MID1: variants seen among roughly 807,000 people sequenced by gnomAD.
The protein encoded by MID1 is midline 1.
Under a neutral mutation model 40.4 loss-of-function variants are expected in MID1, and 7 were observed. The ratio of observed to expected loss-of-function variants is 0.17; its 90% CI spans 0.10 to 0.33. The LOEUF (loss-of-function observed/expected upper bound fraction) is 0.33, where lower values mean the gene tolerates loss of function less well. Ranked by LOEUF, MID1 falls within the 10% of genes least tolerant of loss-of-function variation. The pLI is 1.00. For missense variants in MID1, 367 were observed against 558.5 expected (o/e 0.66, Z 3.46); for synonymous variants, 229 against 221.2 (o/e 1.04, Z -0.31).
intron 2 of MID1, among the ~76,000 whole-genome samples, chrX:10,541,770 C>G (rs944345110): frequency 1.0e-4 from 10 of 95,954 alleles, no homozygotes; most frequent in African/African-American, 3.5e-4. Flanking sequence ...TATAAAAATC[C>G]CAAGTGTGAA....
chrX:10,558,628 T>C (rs1244444637), intron 2 of MID1, among the ~76,000 whole-genome samples: 2 of 113,043 alleles, frequency 1.8e-5, no homozygotes, highest in Non-Finnish European at 3.7e-5. Context: ...TCCATACACT[T>C]AACCATTACA....
At chrX:10,553,205 G>A (rs933037235) in intron 2 of MID1, among the ~76,000 whole-genome samples, 2 of 107,366 alleles carry the variant, frequency 1.9e-5, no homozygotes, top group Non-Finnish European at 3.8e-5. Flanking sequence ...CCGAGATCAC[G>A]CCACTGGACT....
chrX:10,592,335 GT>G (rs1230517058), intron 1 of MID1, among the ~76,000 whole-genome samples: 1 of 96,603 alleles, frequency 1.0e-5, no homozygotes, highest in African/African-American at 3.7e-5. Flanking sequence ...TATTTGAGGG[GT>G]TTTTTTCTCC....
intron 5 of MID1, among the ~76,000 whole-genome samples, chrX:10,481,942 G>A (rs1930352845): frequency 8.9e-6 from 1 of 112,096 alleles, no homozygotes; most frequent in Non-Finnish European, 1.9e-5. Flanking sequence ...AAGCCCGTAT[G>A]AGGTTGACAG....
chrX:10,693,283 C>T (rs1312489225), intron 1 of MID1, among the ~76,000 whole-genome samples: 1 of 106,204 alleles, frequency 9.4e-6, no homozygotes, highest in Non-Finnish European at 1.9e-5. Flanking sequence ...CAGCCTCGAC[C>T]TCTTGGGCTC....
intron 1 of MID1, among the ~76,000 whole-genome samples, chrX:10,616,130 C>T (rs1043637566): frequency 1.8e-5 from 2 of 111,875 alleles, no homozygotes; most frequent in African/African-American, 6.5e-5. Flanking sequence ...CTGACCCCTG[C>T]AGGTAGATAA....
Position 10,668,225 on chromosome X carries a change from C to T in MID1, c.-186-47806G>A, listed in dbSNP as rs148782794. Among the ~76,000 whole-genome samples the T allele has an allele frequency of 2.4e-3, 263 of 111,906 alleles. 7 individuals carry two copies. In the East Asian group the frequency reaches 0.064, roughly 27 times the overall value. ...GCTATTACTCACATAATTTTAAAGG[C>T]TTATGGGTGATCATTAAATCTTTAT... is the stretch of plus-strand genomic sequence containing the variant. On this transcript the variant is annotated intron_variant, in intron 1 of 10. Coordinates refer to the MID1 transcript ENST00000380785.
chrX:10,736,504 C>T lies in MID1; in HGVS notation c.-187+97050G>A, dbSNP rs188739169. On this transcript the variant is annotated intron_variant, in intron 1 of 10. Transcript: ENST00000380785. Reference sequence around the variant, plus strand: ...AGACTCAAACATGTGGCTGTTTATACTTGTCTGGGTCTGATGATGAGGGGA... The same window carrying T: ...AGACTCAAACATGTGGCTGTTTATATTTGTCTGGGTCTGATGATGAGGGGA... Among the ~76,000 whole-genome samples the T allele has an allele frequency of 8.9e-3, 995 of 112,302 alleles. 10 individuals carry two copies. The highest frequency in any genetic ancestry group is 0.031 in the African/African-American group (951 of 30,906).
intron 2 of MID1, among the ~76,000 whole-genome samples, chrX:10,558,003 T>C (rs1054846629): frequency 1.8e-5 from 2 of 109,194 alleles, no homozygotes; most frequent in African/African-American, 6.7e-5. Flanking sequence ...ACAGTAACCC[T>C]ATCCATTCTT....
chrX:10,493,393 T>C (rs1191323326), intron 4 of MID1, among the ~76,000 whole-genome samples: 1 of 111,652 alleles, frequency 9.0e-6, no homozygotes, highest in Non-Finnish European at 1.9e-5. Context: ...ACCTTGACTG[T>C]CGATTTTGTT....
At chrX:10,629,892 A>G (rs974909806) in intron 1 of MID1, among the ~76,000 whole-genome samples, 1 of 111,960 alleles carries the variant, frequency 8.9e-6, no homozygotes, top group African/African-American at 3.2e-5. Context: ...GATTTTCATC[A>G]CTCCCAGGGA....
chrX:10,656,534 C>T (rs2042873891), intron 1 of MID1, among the ~76,000 whole-genome samples: 1 of 111,655 alleles, frequency 9.0e-6, no homozygotes, highest in Admixed American at 9.5e-5. Flanking sequence ...TCACTCCCTC[C>T]TGCAAATAGG....
chrX:10,514,943 G>A (rs918958666), intron 3 of MID1, among the ~76,000 whole-genome samples: 2 of 111,476 alleles, frequency 1.8e-5, no homozygotes, highest in Non-Finnish European at 3.8e-5. Context: ...GGGTCAGATC[G>A]GGTGGGAATC....
At chrX:10,824,772 C>CT (rs1239724599) in intron 1 of MID1, among the ~76,000 whole-genome samples, 2,432 of 108,198 alleles carry the variant, frequency 0.022, 49 homozygotes, top group African/African-American at 0.075. Flanking sequence ...ATGGCTAGGA[C>CT]TTTTTTTTTT....
chrX:10,817,010 C>T (rs1048442421), intron 1 of MID1, among the ~76,000 whole-genome samples: 3 of 111,915 alleles, frequency 2.7e-5, no homozygotes, highest in Non-Finnish European at 5.6e-5. Flanking sequence ...ATCCAAATTC[C>T]GACATTCAGG....
rs73484922 is a variant in MID1 at position 10,765,645 on chromosome X, T to C, written c.-187+67909A>G. Among the ~76,000 whole-genome samples, 989 of 111,697 alleles carry C rather than the reference T, an allele frequency of 8.9e-3. 11 individuals carry two copies. Among genetic ancestry groups the C allele is most frequent in the African/African-American group, 0.031 (945 of 30,709 alleles). ...AAAAATTCTAGTTTATCACTGTTAA[T>C]GTAAAGAGTGAGTCAAAAAATTCAT... On this transcript the variant is annotated intron_variant, in intron 1 of 10. Coordinates refer to the MID1 transcript ENST00000380785.
intron 1 of MID1, among the ~76,000 whole-genome samples, chrX:10,645,823 G>A (rs1936255675): frequency 9.0e-6 from 1 of 111,542 alleles, no homozygotes; most frequent in African/African-American, 3.3e-5. Context: ...TTTCTGACAG[G>A]GCAAAGGAAA....
intron 7 of MID1, among the ~76,000 whole-genome samples, chrX:10,463,185 TAAAA>T (rs1176154646): frequency 9.0e-6 from 1 of 110,803 alleles, no homozygotes; most frequent in Non-Finnish European, 1.9e-5. Context: ...TTAACAAAAA[TAAAA>T]AATAAAAATT....
intron 1 of MID1, among the ~76,000 whole-genome samples, chrX:10,728,800 C>A (rs984703498): frequency 1.8e-5 from 2 of 111,835 alleles, no homozygotes; most frequent in East Asian, 5.6e-4. Flanking sequence ...TTTGGGCCTT[C>A]CCCTCTACCC....
Sources: gnomAD v4.1 joint callset for allele counts (sites outside exome capture counted in the v4.1 genomes callset) on GRCh38, gnomAD v4.1.1 for gene constraint, MANE v1.5 for transcripts, NCBI Gene and HGNC (gene_info 2026-07-23, HGNC 2026-07-21) for gene names.